The following PTPRD variants were observed in gnomAD, a reference collection of about 807,000 sequenced individuals.
The protein encoded by PTPRD is protein tyrosine phosphatase receptor type D.
A neutral mutation model predicts 214.5 loss-of-function variants in PTPRD; 34 were observed. That is an observed-to-expected ratio of 0.16 (90% confidence interval 0.12 to 0.21). The LOEUF is 0.21. Ranked by LOEUF, PTPRD falls within the 10% of genes least tolerant of loss-of-function variation. PTPRD has a pLI of 1.00. For missense variants in PTPRD, 2,545 were observed against 2,398.7 expected, an observed-to-expected ratio of 1.06 and a Z score of -1.27; for synonymous variants, 1,128 against 845.7, an observed-to-expected ratio of 1.33 and a Z score of -5.79.
intron 9 of PTPRD, among the ~76,000 whole-genome samples, chr9:9,348,139 T>C (rs573622581): frequency 2.0e-5 from 3 of 152,222 alleles, no homozygotes; most frequent in East Asian, 3.9e-4. Context: ...AAAAGAAAAA[T>C]AGCATATTTG....
intron 3 of PTPRD, among the ~76,000 whole-genome samples, chr9:10,051,088 A>T (rs1234687273): frequency 5.3e-5 from 8 of 152,190 alleles, no homozygotes; most frequent in African/African-American, 1.9e-4. Context: ...AAAAAAGAAA[A>T]AAATGCAGAA....
intron 11 of PTPRD, among the ~76,000 whole-genome samples, chr9:8,771,501 G>A (rs1599284119): frequency 6.6e-6 from 1 of 152,154 alleles, no homozygotes; most frequent in South Asian, 2.1e-4. Flanking sequence ...AGTCAGTGTA[G>A]TATAGTGACA....
Position 9,028,268 on chromosome 9 carries a change from T to C in PTPRD, c.-142-9533A>G, listed in dbSNP as rs138235782. On this transcript the variant is annotated intron_variant, in intron 10 of 45. Transcript: ENST00000381196. The stretch of plus-strand genomic sequence containing the variant: ...ATATTTGTTGAAGCTCACTAAATTA[T>C]GTCTTCCGTAATACTATTATGCTCA... Among the ~76,000 whole-genome samples, 5 of 152,096 alleles carry C rather than the reference T, an allele frequency of 3.3e-5. No homozygotes were observed. In the East Asian group the frequency reaches 9.7e-4, roughly 29 times the overall value.
At chr9:8,637,881 A>T (rs959378181) in intron 12 of PTPRD, among the ~76,000 whole-genome samples, 1 of 152,200 alleles carries the variant, frequency 6.6e-6, no homozygotes, top group African/African-American at 2.4e-5. Context: ...ATAATAAGCC[A>T]CAAAAGCATA....
intron 5 of PTPRD, among the ~76,000 whole-genome samples, chr9:9,836,854 T>C (rs562357487): frequency 1.3e-5 from 2 of 152,166 alleles, no homozygotes; most frequent in South Asian, 4.1e-4. Flanking sequence ...CATGTAATGG[T>C]TCAATAAATA....
At chr9:8,432,356 T>A (rs939059205) in intron 35 of PTPRD, among the ~76,000 whole-genome samples, 2 of 152,226 alleles carry the variant, frequency 1.3e-5, no homozygotes, top group Admixed American at 1.3e-4. Context: ...TTTCACTAAA[T>A]TCACTGTTGG....
At chr9:8,478,250 G>T (rs1039799585) in intron 30 of PTPRD, among the ~76,000 whole-genome samples, 5 of 152,074 alleles carry the variant, frequency 3.3e-5, no homozygotes, top group African/African-American at 1.2e-4. Context: ...GTGAGTTAAA[G>T]TAATTTAACT....
chr9:9,362,593 T>A (rs1259623256), intron 9 of PTPRD, among the ~76,000 whole-genome samples: 1 of 151,122 alleles, frequency 6.6e-6, no homozygotes, highest in South Asian at 2.1e-4. Flanking sequence ...CCCAGATGAA[T>A]AAAAAAGGGC....
At chr9:10,105,233 T>G (rs2098612765) in intron 3 of PTPRD, among the ~76,000 whole-genome samples, 1 of 151,828 alleles carries the variant, frequency 6.6e-6, no homozygotes, top group African/African-American at 2.4e-5. Context: ...CTTGAGGGAT[T>G]AAAATTAGTC....
intron 39 of PTPRD, among the ~76,000 whole-genome samples, chr9:8,358,292 G>C (rs1327553185): frequency 6.7e-6 from 1 of 150,280 alleles, no homozygotes; most frequent in African/African-American, 2.4e-5. Flanking sequence ...TTTTTTTCTT[G>C]AAGGTTCACT....
chr9:9,960,077 G>A (rs908943232), intron 4 of PTPRD, among the ~76,000 whole-genome samples: 8 of 151,940 alleles, frequency 5.3e-5, no homozygotes, highest in African/African-American at 1.9e-4. Flanking sequence ...AAGAAATTAG[G>A]GCTCCTTAAA....
rs532931083 is a variant in PTPRD, at chr9:10,247,259, C to A, written c.-545+93704G>T. Among the ~76,000 whole-genome samples the A allele has an allele frequency of 2.0e-5, 3 of 152,188 alleles. No homozygotes were observed. In the East Asian group the frequency reaches 5.8e-4, roughly 29 times the overall value. On this transcript the variant is annotated intron_variant, in intron 3 of 45. Transcript: ENST00000381196. ...CCTAAATGGTACTTCCAAAGTCAGACTTCATGACATTGCAACTTGAACTTA... is the reference window on the plus strand; with the variant it reads ...CCTAAATGGTACTTCCAAAGTCAGAATTCATGACATTGCAACTTGAACTTA...
intron 2 of PTPRD, among the ~76,000 whole-genome samples, chr9:10,432,105 A>T (rs1324875719): frequency 6.6e-6 from 1 of 151,956 alleles, no homozygotes; most frequent in Non-Finnish European, 1.5e-5. Context: ...CTATGCAGCC[A>T]TAAAAAAATG....
At chr9:10,587,184 C>G (rs2074145474) in intron 2 of PTPRD, among the ~76,000 whole-genome samples, 1 of 151,986 alleles carries the variant, frequency 6.6e-6, no homozygotes, top group Non-Finnish European at 1.5e-5. Context: ...AAGCTGACAG[C>G]AAAGGTCCTT....
chr9:8,370,822 G>A (rs541186040), intron 39 of PTPRD, among the ~76,000 whole-genome samples: 1 of 152,156 alleles, frequency 6.6e-6, no homozygotes, highest in South Asian at 2.1e-4. Context: ...CATGCAACAT[G>A]GGGAACATAA....
intron 8 of PTPRD, among the ~76,000 whole-genome samples, chr9:9,432,274 C>A (rs1588264860): frequency 6.6e-6 from 1 of 151,918 alleles, no homozygotes; most frequent in East Asian, 1.9e-4. Context: ...ACTGGCTTAT[C>A]TATTTCTGAA....
At chr9:9,073,226 G>C (rs2099746396) in intron 10 of PTPRD, among the ~76,000 whole-genome samples, 1 of 152,144 alleles carries the variant, frequency 6.6e-6, no homozygotes, top group Admixed American at 6.5e-5. Context: ...TTTTGTACAA[G>C]CACTGTGCAA....
chr9:8,782,218 G>C (rs1474555978), intron 11 of PTPRD, among the ~76,000 whole-genome samples: 1 of 151,862 alleles, frequency 6.6e-6, no homozygotes, highest in African/African-American at 2.4e-5. Context: ...TGTATATATT[G>C]TGGAATGGAT....
intron 14 of PTPRD, among the ~76,000 whole-genome samples, chr9:8,555,765 A>G (rs1049284135): frequency 6.6e-6 from 1 of 152,242 alleles, no homozygotes; most frequent in African/African-American, 2.4e-5. Flanking sequence ...GTCTACATCT[A>G]GAAAGAGAGT....
Sources: allele counts gnomAD v4.1 joint callset (sites outside exome capture counted in the v4.1 genomes callset), GRCh38; gene constraint gnomAD v4.1.1; transcripts MANE v1.5; gene names NCBI Gene and HGNC (gene_info 2026-07-23, HGNC 2026-07-21).